ORC3: variants seen among roughly 807,000 people sequenced by gnomAD.
ORC3 encodes the protein origin recognition complex subunit 3.
Under a neutral mutation model 100.7 loss-of-function variants are expected in ORC3, and 78 were observed. The observed-to-expected ratio is 0.77, with a 90% CI of 0.65 to 0.94. The LOEUF (loss-of-function observed/expected upper bound fraction) is 0.94, where lower values mean the gene tolerates loss of function less well. Ranked by LOEUF, ORC3 falls within the 40% of genes least tolerant of loss-of-function variation. The pLI, the probability that ORC3 is intolerant of heterozygous loss-of-function variation, is 0.00. For synonymous variants in ORC3, 295 were observed against 289.3 expected (o/e 1.02, Z -0.20); for missense variants, 789 against 823.9 (o/e 0.96, Z 0.52).
chr6:87,591,036 A>G (rs1232725179), intron 1 of ORC3, among the ~76,000 whole-genome samples: 1 of 152,220 alleles, frequency 6.6e-6, no homozygotes, highest in African/African-American at 2.4e-5. Flanking sequence ...ACATGTGGCT[A>G]TTTAAATTTG....
chr6:87,639,865 T>C (rs967528655), intron 13 of ORC3, among the ~76,000 whole-genome samples: 1 of 142,112 alleles, frequency 7.0e-6, no homozygotes, highest in South Asian at 2.2e-4. Flanking sequence ...CCTGGCATGG[T>C]GGTGCACATC....
intron 13 of ORC3, among the ~76,000 whole-genome samples, chr6:87,644,006 C>T (rs1768500367): frequency 6.6e-6 from 1 of 151,432 alleles, no homozygotes; most frequent in Non-Finnish European, 1.5e-5. Flanking sequence ...TCTCCTACCC[C>T]CCAAAATATT....
chr6:87,641,429 G>C (rs1030543577), intron 13 of ORC3, among the ~76,000 whole-genome samples: 1 of 152,184 alleles, frequency 6.6e-6, no homozygotes, highest in South Asian at 2.1e-4. Flanking sequence ...TTTGTGGCCA[G>C]TATTACATGT....
intron 11 of ORC3, among the ~76,000 whole-genome samples, chr6:87,630,223 T>G (rs1331041029): frequency 2.0e-5 from 3 of 151,922 alleles, no homozygotes; most frequent in Non-Finnish European, 2.9e-5. Flanking sequence ...CTGGGCAACA[T>G]AATGAGACCC....
At chr6:87,664,901 C>A (rs1213798035) in intron 18 of ORC3, 42 bp downstream of exon 18, 1 of 1,209,520 alleles carries the variant, frequency 8.3e-7, no homozygotes, top group South Asian at 1.3e-5. Flanking sequence ...TTTTTCTAAC[C>A]ATCCATGATG....
intron 5 of ORC3, among the ~76,000 whole-genome samples, chr6:87,607,373 T>A (rs1562327408): frequency 6.6e-6 from 1 of 151,912 alleles, no homozygotes; most frequent in African/African-American, 2.4e-5. Flanking sequence ...AGAGGTTGTA[T>A]TGAGCCGAGA....
intron 9 of ORC3, among the ~76,000 whole-genome samples, chr6:87,620,027 T>C (rs1779426220): frequency 6.6e-6 from 1 of 152,216 alleles, no homozygotes; most frequent in Admixed American, 6.5e-5. Flanking sequence ...CTGTGTGTTT[T>C]AGCCTTCCCT....
At chr6:87,625,967 G>T (rs1252891215) in intron 11 of ORC3, among the ~76,000 whole-genome samples, 1 of 152,064 alleles carries the variant, frequency 6.6e-6, no homozygotes, top group Non-Finnish European at 1.5e-5. Flanking sequence ...GCTTGTTTTT[G>T]TCAGGTTTGT....
intron 2 of ORC3, chr6:87,595,090 C>T (rs1267990857): frequency 6.6e-6 from 1 of 152,320 alleles, no homozygotes; most frequent in African/African-American, 2.4e-5. Context: ...TGTTAGAATA[C>T]TGCATGTTCT....
At chr6:87,676,724 G>C in the ORC3 span, among the ~76,000 whole-genome samples, 2 of 151,654 alleles carry the variant, frequency 1.3e-5, no homozygotes, top group South Asian at 4.2e-4. Context: ...AGGTTGCAGT[G>C]AGCCAAGATC....
chr6:87,673,038 G>T, the ORC3 span, among the ~76,000 whole-genome samples: 1 of 151,678 alleles, frequency 6.6e-6, no homozygotes, highest in Non-Finnish European at 1.5e-5. Flanking sequence ...AATCATGTGT[G>T]GTTGGTTATT....
intron 7 of ORC3, among the ~76,000 whole-genome samples, chr6:87,610,285 T>A (rs1778646106): frequency 6.6e-6 from 1 of 152,060 alleles, no homozygotes; most frequent in African/African-American, 2.4e-5. Flanking sequence ...CTCAACTCCC[T>A]GCCACCTCCG....
At chr6:87,636,735 A>G (rs1418373754) in intron 13 of ORC3, among the ~76,000 whole-genome samples, 1 of 152,234 alleles carries the variant, frequency 6.6e-6, no homozygotes, top group African/African-American at 2.4e-5. Context: ...ATGATTGTTT[A>G]GTCAAATACT....
At chr6:87,595,640 A>G (rs1414771782) in intron 2 of ORC3, among the ~76,000 whole-genome samples, 1 of 152,196 alleles carries the variant, frequency 6.6e-6, no homozygotes, top group African/African-American at 2.4e-5. Context: ...CGGAAGCACC[A>G]GGGTCCCACA....
chr6:87,656,657 T>G (rs527823170), intron 14 of ORC3, among the ~76,000 whole-genome samples: 54 of 152,290 alleles, frequency 3.5e-4, no homozygotes, highest in Non-Finnish European at 7.2e-4. Context: ...TTGTATTTTG[T>G]TTTGTTTTCA....
chr6:87,639,505 C>A (rs1173875705), intron 13 of ORC3, among the ~76,000 whole-genome samples: 2 of 152,156 alleles, frequency 1.3e-5, no homozygotes, highest in African/African-American at 2.4e-5. Context: ...TTAATTTAGT[C>A]CCACCCCTTC....
Position 87,593,759 on chromosome 6 carries a change from C to G in ORC3, c.25-594C>G, listed in dbSNP as rs529483941. The stretch of plus-strand genomic sequence containing the variant: ...TTGCCCAGGCTGGAGTGCAATGGCA[C>G]GATCTCAGCCCACTGCAGCCTCCAT... On this transcript the variant is annotated intron_variant, in intron 1 of 19. Transcript: ENST00000392844. 3.1e-4 allele frequency among the ~76,000 whole-genome samples: 47 copies of G among 152,220 alleles called. 1 individual carries two copies. The highest frequency in any genetic ancestry group is 1.1e-3 in the African/African-American group (45 of 41,458).
chr6:87,602,958 TATATATATATATAC>T (rs6149684), intron 3 of ORC3, among the ~76,000 whole-genome samples: 44,226 of 126,636 alleles, frequency 0.35, 8,861 homozygotes, highest in Admixed American at 0.45. Context: ...ATATATAATA[TATATATATATATAC>T]ATATATATAT....
chr6:87,621,842 G>GA lies in ORC3; in HGVS notation c.1122-101dup, dbSNP rs1191798154. On this transcript the variant is annotated intron_variant, in intron 10 of 19. Coordinates refer to ENST00000392844, the MANE Select transcript of ORC3 (RefSeq NM_012381.4). ...ACTGAATTTATTTTTGTGAAGAAAT[G>GA]AAAAAAATGTGGCTACCAATCTAGG... 1.1e-5 allele frequency: 8 copies of GA among 737,758 alleles called. No individual in the cohort carries two copies. The South Asian group carries it at 1.2e-4, about 12-fold the overall frequency. The allele number at this position is 737,758 out of a possible 1,614,324, so 45.7% of individuals were successfully genotyped here.
Sources: allele counts gnomAD v4.1 joint callset (sites outside exome capture counted in the v4.1 genomes callset), GRCh38; gene constraint gnomAD v4.1.1; transcripts MANE v1.5; gene names NCBI Gene and HGNC (gene_info 2026-07-23, HGNC 2026-07-21).